The following HSPA12A variants were observed in gnomAD, a reference collection of about 807,000 sequenced individuals.
HSPA12A encodes the protein heat shock 70 kDa protein 12A.
Under a neutral mutation model 69.2 loss-of-function variants are expected in HSPA12A, and 28 were observed. The ratio of observed to expected loss-of-function variants is 0.40; its 90% CI spans 0.30 to 0.55. The LOEUF (loss-of-function observed/expected upper bound fraction) is 0.55. Ranked by LOEUF, HSPA12A falls within the 20% of genes least tolerant of loss-of-function variation. The probability of loss-of-function intolerance (pLI) is 0.38; values close to 1 mark genes in which losing one functional copy is unlikely to be tolerated. For synonymous variants in HSPA12A, 345 were observed against 370.5 expected, an observed-to-expected ratio of 0.93 and a Z score of 0.79; for missense variants, 686 against 900.7, an observed-to-expected ratio of 0.76 and a Z score of 3.05.
intron 2 of HSPA12A, among the ~76,000 whole-genome samples, chr10:116,775,585 T>C (rs1844317609): frequency 6.6e-6 from 1 of 152,094 alleles, no homozygotes. Context: ...TGAGAGGGGA[T>C]GGAAGAAGGA....
In HSPA12A at chr10:116,701,110, G is replaced by C; in HGVS notation, c.274C>G (p.Pro92Ala). 1 of 1,613,882 alleles carries C rather than the reference G, an allele frequency of 6.2e-7. No individual in the cohort carries two copies. Among genetic ancestry groups the C allele is most frequent in the Non-Finnish European group, 8.5e-7 (1 of 1,179,956 alleles). ...GGAGTCTTCTGATTGGACACACCAG[G>C]GTCACCTCCCTCCCATCGCCTGCCA... is the stretch of plus-strand genomic sequence containing the variant. ...HVMRRWEGGDPGVSNQKTPTT... is the reference protein window; with the variant it reads ...HVMRRWEGGDAGVSNQKTPTT... Residue 92 changes from proline (P) to alanine (A), a missense_variant, in exon 4 of 12, where the codon CCT (proline) becomes GCT (alanine). Coordinates refer to ENST00000369209, the MANE Select transcript of HSPA12A (RefSeq NM_025015.3).
intron 2 of HSPA12A, among the ~76,000 whole-genome samples, chr10:116,812,564 C>G (rs1845213439): frequency 6.6e-6 from 1 of 151,990 alleles, no homozygotes; most frequent in Admixed American, 6.6e-5. Flanking sequence ...TGTGGCTGAC[C>G]ACTGCAACCA....
Position 116,674,681 on chromosome 10 carries a change from G to A in HSPA12A, c.*100C>T. 1 of 1,203,896 alleles carries A rather than the reference G, an allele frequency of 8.3e-7. No homozygotes were observed. Among genetic ancestry groups the A allele is most frequent in the Non-Finnish European group, 1.2e-6 (1 of 853,878 alleles). 74.6% of individuals were successfully genotyped at this position (1,203,896 alleles called of 1,614,324 possible). On this transcript the variant is annotated 3_prime_UTR_variant, in exon 12 of 12. Transcript: ENST00000369209. ...CATCTTCCCTGCTGAAATTCACATG[G>A]GCAATGGTGAGGGTCAAGGTTAGGG... is the stretch of plus-strand genomic sequence containing the variant.
chr10:116,803,092 G>A (rs1422648615), intron 2 of HSPA12A, among the ~76,000 whole-genome samples: 2 of 152,258 alleles, frequency 1.3e-5, no homozygotes, highest in African/African-American at 4.8e-5. Context: ...CCTTATGAAA[G>A]CTGACGCAGG....
At position 116,808,856 on chromosome 10, in the gene HSPA12A, T is replaced by C. The variant is rs78478545; in HGVS notation, c.91+26079A>G. ...AGAGGGCCCCGCACCGCCGTTCCTATGTTCAGACTTTCCTACAGTAGGCTA... is the reference window on the plus strand; with the variant it reads ...AGAGGGCCCCGCACCGCCGTTCCTACGTTCAGACTTTCCTACAGTAGGCTA... On this transcript the variant is annotated intron_variant, in intron 2 of 12. Coordinates refer to the HSPA12A transcript ENST00000635765. Among the ~76,000 whole-genome samples the C allele has an allele frequency of 7.8e-3, 1,185 of 152,288 alleles. 6 individuals carry two copies. Among genetic ancestry groups the C allele is most frequent in the Middle Eastern group, 0.02 (6 of 294 alleles).
chr10:116,800,114 G>A (rs1436156323), intron 2 of HSPA12A, among the ~76,000 whole-genome samples: 3 of 152,272 alleles, frequency 2.0e-5, no homozygotes, highest in Admixed American at 1.3e-4. Context: ...AATGAGAGAT[G>A]AACAAGCTGA....
intron 6 of HSPA12A, 106 bp downstream of exon 6, chr10:116,692,245 T>C (rs1467804172): frequency 1.2e-6 from 1 of 809,504 alleles, no homozygotes; most frequent in South Asian, 1.6e-5. Context: ...CTGCCTCCCA[T>C]GGAGGCCAGT....
At chr10:116,735,290 A>T (rs1487255313) in intron 1 of HSPA12A, among the ~76,000 whole-genome samples, 2 of 152,258 alleles carry the variant, frequency 1.3e-5, no homozygotes. Context: ...TAGATTAAAA[A>T]TAGCCACACA....
upstream of HSPA12A, among the ~76,000 whole-genome samples, chr10:116,742,923 C>A (rs973648523): frequency 1.3e-5 from 2 of 152,088 alleles, no homozygotes; most frequent in Non-Finnish European, 2.9e-5. Flanking sequence ...ATGGCCAGGC[C>A]TGGAGCCCTT....
intron 6 of HSPA12A, among the ~76,000 whole-genome samples, chr10:116,688,769 A>T (rs1849650976): frequency 6.6e-6 from 1 of 152,230 alleles, no homozygotes; most frequent in African/African-American, 2.4e-5. Flanking sequence ...TGGGAGCAGC[A>T]TTTATTTAAC....
chr10:116,801,882 G>C, intron 2 of HSPA12A, among the ~76,000 whole-genome samples: 1 of 152,126 alleles, frequency 6.6e-6, no homozygotes, highest in Admixed American at 6.6e-5. Context: ...GCTGGGTGAA[G>C]GGTACACCAA....
intron 2 of HSPA12A, chr10:116,830,553 T>G (rs1845595325): frequency 6.7e-6 from 1 of 149,676 alleles, no homozygotes; most frequent in Admixed American, 6.6e-5. Context: ...TTGGGTGGAT[T>G]ACTCGAGCCT....
chr10:116,754,702 A>G (rs1234205890), intron 2 of HSPA12A, among the ~76,000 whole-genome samples: 1 of 152,240 alleles, frequency 6.6e-6, no homozygotes, highest in Non-Finnish European at 1.5e-5. Flanking sequence ...AGAATGACCG[A>G]TCTTGTCAGT....
intron 1 of HSPA12A, among the ~76,000 whole-genome samples, chr10:116,736,201 A>G (rs1311599574): frequency 6.6e-6 from 1 of 152,198 alleles, no homozygotes; most frequent in Non-Finnish European, 1.5e-5. Flanking sequence ...GGGCTAAATC[A>G]GCCCTAAAAG....
At chr10:116,739,165 A>T (rs574807718) in intron 1 of HSPA12A, among the ~76,000 whole-genome samples, 7 of 152,276 alleles carry the variant, frequency 4.6e-5, no homozygotes, top group African/African-American at 1.7e-4. Flanking sequence ...GAGGCTGTTC[A>T]GCTTGACCAC....
At chr10:116,797,800 C>T (rs2133162712) in intron 2 of HSPA12A, among the ~76,000 whole-genome samples, 1 of 152,160 alleles carries the variant, frequency 6.6e-6, no homozygotes, top group African/African-American at 2.4e-5. Context: ...TTGCATTTGG[C>T]AGTGCAACAG....
At chr10:116,711,886 A>G (rs1371939706) in intron 1 of HSPA12A, among the ~76,000 whole-genome samples, 1 of 151,260 alleles carries the variant, frequency 6.6e-6, no homozygotes, top group African/African-American at 2.4e-5. Flanking sequence ...ACAGGATTTC[A>G]CTGTGTTAGC....
chr10:116,682,423 G>A (rs1849435025), intron 7 of HSPA12A, among the ~76,000 whole-genome samples: 1 of 148,326 alleles, frequency 6.7e-6, no homozygotes, highest in Non-Finnish European at 1.5e-5. Flanking sequence ...TTTGGGGTGT[G>A]TTTTCCTAAC....
intron 10 of HSPA12A, among the ~76,000 whole-genome samples, chr10:116,679,102 T>C (rs1849326233): frequency 6.6e-6 from 1 of 152,228 alleles, no homozygotes; most frequent in Non-Finnish European, 1.5e-5. Context: ...ACATTCCCAT[T>C]GGATTAATTC....
Sources: gnomAD v4.1 joint callset for allele counts (sites outside exome capture counted in the v4.1 genomes callset) on GRCh38, gnomAD v4.1.1 for gene constraint, MANE v1.5 for transcripts, NCBI Gene and HGNC (gene_info 2026-07-23, HGNC 2026-07-21) for gene names.